The following RAB35 variants were observed in gnomAD, a reference collection of about 807,000 sequenced individuals.
RAB35 encodes the protein RAB35, member RAS oncogene family, also known as ras-related protein Rab-35.
Under a neutral mutation model 28.9 loss-of-function variants are expected in RAB35, and 4 were observed. The ratio of observed to expected loss-of-function variants is 0.14; its 90% CI spans 0.07 to 0.32. The LOEUF is 0.32. Ranked by LOEUF, RAB35 falls within the 10% of genes least tolerant of loss-of-function variation. The pLI is 1.00. For missense variants in RAB35, 128 were observed against 274.0 expected, an observed-to-expected ratio of 0.47 and a Z score of 3.76; for synonymous variants, 99 against 105.1, an observed-to-expected ratio of 0.94 and a Z score of 0.35.
intron 2 of RAB35, 75 bp from the exon 3 acceptor site, chr12:120,104,024 C>T (rs1875767335): frequency 1.3e-6 from 2 of 1,560,200 alleles, no homozygotes; most frequent in Non-Finnish European, 8.7e-7. Flanking sequence ...GCACACAACA[C>T]ACCCCCAGGC....
At chr12:120,104,563 G>A (rs1273404284) in intron 2 of RAB35, among the ~76,000 whole-genome samples, 2 of 152,202 alleles carry the variant, frequency 1.3e-5, no homozygotes, top group Admixed American at 6.5e-5. Flanking sequence ...TGTGTGCTGG[G>A]GAGGCACCAA....
intron 3 of RAB35, among the ~76,000 whole-genome samples, chr12:120,101,535 G>GA (rs1465870321): frequency 6.6e-6 from 1 of 152,196 alleles, no homozygotes; most frequent in East Asian, 1.9e-4. Context: ...CCCTGCATCG[G>GA]AAAAAAGTCA....
In RAB35 at chr12:120,097,213, G is replaced by A. The variant is rs1361400692; in HGVS notation, c.*32C>T. 1.2e-5 allele frequency: 19 copies of A among 1,614,008 alleles called. No individual in the cohort carries two copies. Among genetic ancestry groups the A allele is most frequent in the Admixed American group, 3.3e-5 (2 of 60,016 alleles). On this transcript the variant is annotated 3_prime_UTR_variant, in exon 6 of 6. Coordinates refer to ENST00000229340, the MANE Select transcript of RAB35 (RefSeq NM_006861.7). ...TGGGCCTCGGGCTGGGGGAGGGACC[G>A]CAGTGCAGTCTCTGCAGTGGACTGG... is the stretch of plus-strand genomic sequence containing the variant.
Position 120,095,765 on chromosome 12 carries a change from T to C in RAB35, c.*1480A>G, listed in dbSNP as rs1002539115. 6.6e-6 allele frequency: 1 copy of C among 152,202 alleles called. No individual in the cohort carries two copies. The highest frequency in any genetic ancestry group is 1.5e-5 in the Non-Finnish European group (1 of 68,070). 9.4% of individuals were successfully genotyped at this position (152,202 alleles called of 1,614,324 possible). ...GGTGAGAAGAAACCCCCAGTTTTTA[T>C]TGATTAAAAACCCATCCACAGTGCT... On this transcript the variant is annotated 3_prime_UTR_variant, in exon 6 of 6. Coordinates refer to ENST00000229340, the MANE Select transcript of RAB35 (RefSeq NM_006861.7).
At position 120,104,307 on chromosome 12, in the gene RAB35, T is replaced by C. The variant is rs78786187; in HGVS notation, c.104-358A>G. On this transcript the variant is annotated intron_variant, in intron 2 of 5. Coordinates refer to ENST00000229340, the MANE Select transcript of RAB35 (RefSeq NM_006861.7). ...CTGAGAATGGTAGACCTACGGGCAC[T>C]CTGGGTTTTTCTTTTCTATTCAAGT... Among the ~76,000 whole-genome samples the C allele has an allele frequency of 8.2e-3, 1,250 of 152,218 alleles. 20 individuals are homozygous for C. Among genetic ancestry groups the C allele is most frequent in the African/African-American group, 0.028 (1,156 of 41,536 alleles).
In RAB35 at chr12:120,100,329, G is replaced by GCTGGCCC. The variant is rs1473098211; in HGVS notation, c.228-1176_228-1175insGGGCCAG. Among the ~76,000 whole-genome samples, 125 of 152,370 alleles carry GCTGGCCC rather than the reference G, an allele frequency of 8.2e-4. 1 individual carries two copies. In the East Asian group the frequency reaches 0.022, roughly 26 times the overall value. On this transcript the variant is annotated intron_variant, in intron 3 of 5. Transcript: ENST00000229340. ...CCATCTCTGAAAGGCTGGCCCTTGG[G>GCTGGCCC]AAGGTGCCTGCATTCACCCTGCCAC...
intron 1 of RAB35, among the ~76,000 whole-genome samples, chr12:120,109,755 G>A (rs1456843888): frequency 2.7e-5 from 4 of 150,768 alleles, no homozygotes; most frequent in Admixed American, 2.6e-4. Context: ...CCTCCCGCCT[G>A]GGCCTCCCAA....
intron 3 of RAB35, 36 bp from the exon 4 acceptor site, chr12:120,099,190 C>T (rs756194139): frequency 1.6e-5 from 25 of 1,612,554 alleles, no homozygotes; most frequent in Non-Finnish European, 1.8e-5. Flanking sequence ...ATGTCAACCC[C>T]GACAGGAGTC....
chr12:120,114,285 G>T (rs1876241917), intron 1 of RAB35, among the ~76,000 whole-genome samples: 1 of 152,190 alleles, frequency 6.6e-6, no homozygotes, highest in Non-Finnish European at 1.5e-5. Context: ...TAGAGACGAG[G>T]TTTCATCATG....
intron 2 of RAB35, among the ~76,000 whole-genome samples, chr12:120,105,456 G>A (rs1384273117): frequency 2.0e-5 from 3 of 152,166 alleles, no homozygotes; most frequent in African/African-American, 4.8e-5. Flanking sequence ...AACAGACTAC[G>A]AGCGCAGTGG....
chr12:120,115,248 A>C (rs1202864870), intron 1 of RAB35, among the ~76,000 whole-genome samples: 4 of 152,150 alleles, frequency 2.6e-5, no homozygotes, highest in Admixed American at 2.0e-4. Context: ...CAGCTTTAAA[A>C]GGGAGGCCAA....
chr12:120,097,723 G>A (rs985346428), intron 5 of RAB35, among the ~76,000 whole-genome samples: 1 of 152,016 alleles, frequency 6.6e-6, no homozygotes, highest in Non-Finnish European at 1.5e-5. Flanking sequence ...CTCCAGCCTG[G>A]ATGACAGAGT....
At chr12:120,107,669 C>A (rs1875941222) in intron 2 of RAB35, among the ~76,000 whole-genome samples, 1 of 151,936 alleles carries the variant, frequency 6.6e-6, no homozygotes, top group Non-Finnish European at 1.5e-5. Flanking sequence ...ACGTTCGAGA[C>A]CAGCCTGACC....
At position 120,103,930 on chromosome 12, in the gene RAB35, G is replaced by T. The variant is rs192285145; in HGVS notation, c.123C>A (p.Ile41=). Residue 41 remains isoleucine, a synonymous_variant, in exon 3 of 6, where the codon ATC becomes ATA. Coordinates refer to ENST00000229340, the MANE Select transcript of RAB35 (RefSeq NM_006861.7). The surrounding 1 kb of genome is among the most constrained non-coding windows in gnomAD (Gnocchi z 6.1). ...CGGTCCGGATCTTGAAATCCACTCC[G>T]ATCGTGGTGATGTAGCTGCCTGCAC... ...NTFSGSYITT[I]GVDFKIRTVE... The T allele has an allele frequency of 5.0e-5, 80 of 1,613,922 alleles. No homozygotes were observed. The highest frequency in any genetic ancestry group is 6.7e-5 in the Admixed American group (4 of 59,990).
chr12:120,116,521 C>A lies in RAB35; in HGVS notation c.52+78G>T, dbSNP rs1008979876. 4.3e-6 allele frequency: 4 copies of A among 931,760 alleles called. No homozygotes were observed. The African/African-American group carries it at 7.2e-5, about 17-fold the overall frequency. The allele number at this position is 931,760 out of a possible 1,614,324, so 57.7% of individuals were successfully genotyped here. ...CGCCCCGCACGGGCCGGCACCTCCC[C>A]GCCCGCCTGCCGCCCCGAGGCCCCC... On this transcript the variant is annotated intron_variant, in intron 1 of 5. Coordinates refer to ENST00000229340, the MANE Select transcript of RAB35 (RefSeq NM_006861.7).
In RAB35 at chr12:120,097,342, C is replaced by G; in HGVS notation, c.509G>C (p.Arg170Pro). ...TTTTGCCAGGTTGTCTTTCTTTGCTCGGAGGACCAGCTCCGTGATGCAGTT... is the reference window on the plus strand; with the variant it reads ...TTTTGCCAGGTTGTCTTTCTTTGCTGGGAGGACCAGCTCCGTGATGCAGTT... ...MFNCITELVL[R>P]AKKDNLAKQQ... The change falls in exon 6 of 6, where the codon CGA becomes CCA. Residue 170 changes from arginine (R) to proline (P), a missense_variant. By Grantham distance (103) the Arg-to-Pro change is moderately radical (BLOSUM62 -2). Transcript: ENST00000229340. 6.2e-7 allele frequency: 1 copy of G among 1,613,298 alleles called. No individual in the cohort carries two copies. Among genetic ancestry groups the G allele is most frequent in the Non-Finnish European group, 8.5e-7 (1 of 1,179,944 alleles).
intron 5 of RAB35, among the ~76,000 whole-genome samples, 200 bp from the exon 6 acceptor site, chr12:120,097,573 C>G (rs1221613202): frequency 6.6e-6 from 1 of 152,158 alleles, no homozygotes; most frequent in Non-Finnish European, 1.5e-5. Flanking sequence ...TTGCTAAAAC[C>G]CCACCTCTAC....
chr12:120,097,227 G>A lies in RAB35; in HGVS notation c.*18C>T. 6.2e-7 allele frequency: 1 copy of A among 1,614,152 alleles called. No individual in the cohort carries two copies. Among genetic ancestry groups the A allele is most frequent in the Non-Finnish European group, 8.5e-7 (1 of 1,180,044 alleles). On this transcript the variant is annotated 3_prime_UTR_variant, in exon 6 of 6. Transcript: ENST00000229340. ...GGGGAGGGACCGCAGTGCAGTCTCTGCAGTGGACTGGGTGCCATTAGCAGC... is the reference window on the plus strand; with the variant it reads ...GGGGAGGGACCGCAGTGCAGTCTCTACAGTGGACTGGGTGCCATTAGCAGC...
chr12:120,101,022 C>T (rs1271236804), intron 3 of RAB35, among the ~76,000 whole-genome samples: 2 of 152,232 alleles, frequency 1.3e-5, no homozygotes, highest in East Asian at 1.9e-4. Flanking sequence ...ACAGCCCCCG[C>T]GGCTCCCTGG....
Sources: gnomAD v4.1 joint callset for allele counts (sites outside exome capture counted in the v4.1 genomes callset) on GRCh38, gnomAD v4.1.1 for gene constraint, Gnocchi (gnomAD v3.1) non-coding constraint, MANE v1.5 for transcripts, NCBI Gene and HGNC (gene_info 2026-07-23, HGNC 2026-07-21) for gene names.